The following TBXAS1 variants were observed in gnomAD, a reference collection of about 807,000 sequenced individuals.
TBXAS1 encodes thromboxane-A synthase.
Under a neutral mutation model 60.7 loss-of-function variants are expected in TBXAS1, and 48 were observed. The ratio of observed to expected loss-of-function variants is 0.79; its 90% CI spans 0.63 to 1.01. The LOEUF (loss-of-function observed/expected upper bound fraction) is 1.01, where lower values mean the gene tolerates loss of function less well. Ranked by LOEUF, TBXAS1 falls within the 50% of genes least tolerant of loss-of-function variation. The probability of loss-of-function intolerance (pLI) is 0.00; values close to 1 mark genes in which losing one functional copy is unlikely to be tolerated. For missense variants in TBXAS1, 685 were observed against 686.3 expected (o/e 1.00, Z 0.02); for synonymous variants, 287 against 269.7 (o/e 1.06, Z -0.63).
intron 9 of TBXAS1, among the ~76,000 whole-genome samples, chr7:139,966,793 C>T (rs187462895): frequency 6.6e-6 from 1 of 152,338 alleles, no homozygotes; most frequent in East Asian, 1.9e-4. Context: ...CCCTTCTGTT[C>T]TCTTAGCTCA....
At chr7:139,914,229 G>T (rs1337828533) in intron 4 of TBXAS1, among the ~76,000 whole-genome samples, 7 of 151,826 alleles carry the variant, frequency 4.6e-5, no homozygotes, top group African/African-American at 1.5e-4. Flanking sequence ...AGAGATGGGG[G>T]TCTTACTATG....
chr7:139,990,186 A>G (rs1198923630), intron 9 of TBXAS1, among the ~76,000 whole-genome samples: 1 of 151,776 alleles, frequency 6.6e-6, no homozygotes, highest in Non-Finnish European at 1.5e-5. Context: ...CTCATCTTAT[A>G]CCCACACCTC....
At chr7:139,924,325 T>C (rs1334520518) in intron 4 of TBXAS1, among the ~76,000 whole-genome samples, 1 of 152,224 alleles carries the variant, frequency 6.6e-6, no homozygotes, top group Admixed American at 6.5e-5. Flanking sequence ...TTATTGCCTG[T>C]CTTTTGGATA....
At chr7:139,907,336 T>C (rs1324582223) in intron 3 of TBXAS1, among the ~76,000 whole-genome samples, 1 of 152,218 alleles carries the variant, frequency 6.6e-6, no homozygotes, top group African/African-American at 2.4e-5. Context: ...ATTGATTGTT[T>C]TGAAAATATT....
rs367844733 is a variant in TBXAS1, at chr7:139,839,874, C to T, written c.89+10395C>T. ...AAGATCCTGTCTGTAGTCCCAGCTACTTGGGAGGCTGAGGCAGGAGAATCA... is the reference window on the plus strand; with the variant it reads ...AAGATCCTGTCTGTAGTCCCAGCTATTTGGGAGGCTGAGGCAGGAGAATCA... On this transcript the variant is annotated intron_variant, in intron 1 of 12. Transcript: ENST00000448866. Among the ~76,000 whole-genome samples, 48 of 149,026 alleles carry T rather than the reference C, an allele frequency of 3.2e-4. No individual in the cohort carries two copies. The East Asian group carries it at 7.2e-3, about 22-fold the overall frequency.
chr7:139,876,861 G>A (rs1296829128), intron 3 of TBXAS1, among the ~76,000 whole-genome samples: 6 of 152,146 alleles, frequency 3.9e-5, no homozygotes, highest in African/African-American at 1.4e-4. Context: ...AGCTGCACTT[G>A]GCTGGATGGC....
intron 12 of TBXAS1, among the ~76,000 whole-genome samples, chr7:140,019,357 C>G (rs1815355694): frequency 6.6e-6 from 1 of 152,162 alleles, no homozygotes; most frequent in South Asian, 2.1e-4. Flanking sequence ...GGGCTTGTCT[C>G]ACTTCCCCAC....
intron 3 of TBXAS1, among the ~76,000 whole-genome samples, chr7:139,903,609 GT>G (rs1046729558): frequency 1.4e-4 from 21 of 151,794 alleles, no homozygotes; most frequent in African/African-American, 4.6e-4. Flanking sequence ...AACATCTACT[GT>G]TTTTTTAATT....
At chr7:140,020,004 T>A in intron 12 of TBXAS1, 21 bp from the exon 13 acceptor site, 1 of 1,611,940 alleles carries the variant, frequency 6.2e-7, no homozygotes, top group Non-Finnish European at 8.5e-7. Context: ...TTGACAAATA[T>A]TTTAATTTTC....
chr7:139,912,402 A>G (rs559106311), intron 4 of TBXAS1, among the ~76,000 whole-genome samples: 13 of 152,340 alleles, frequency 8.5e-5, no homozygotes, highest in African/African-American at 3.1e-4. Context: ...ATTAATAAAC[A>G]TGTTTGTGAG....
At chr7:139,867,171 A>T (rs908957859) in intron 1 of TBXAS1, among the ~76,000 whole-genome samples, 23 of 152,158 alleles carry the variant, frequency 1.5e-4, no homozygotes, top group African/African-American at 5.6e-4. Context: ...GCTGGGCTTC[A>T]CCTGTTCTTG....
intron 5 of TBXAS1, among the ~76,000 whole-genome samples, chr7:139,941,773 A>C (rs1281944715): frequency 6.6e-6 from 1 of 152,238 alleles, no homozygotes; most frequent in Non-Finnish European, 1.5e-5. Flanking sequence ...ATTAGTGAGT[A>C]GTAACCCTGG....
chr7:139,810,106 G>A (rs538737319), intron 4 of TBXAS1, among the ~76,000 whole-genome samples: 19 of 150,456 alleles, frequency 1.3e-4, no homozygotes, highest in South Asian at 4.2e-4. Context: ...GTGTGATCTC[G>A]GCTCACTGCA....
intron 4 of TBXAS1, among the ~76,000 whole-genome samples, chr7:139,806,486 C>G (rs1296214823): frequency 6.6e-6 from 1 of 151,848 alleles, no homozygotes; most frequent in Non-Finnish European, 1.5e-5. Context: ...TGGTCTTGAA[C>G]TCCTGACCTC....
chr7:140,005,809 T>A (rs17161335), intron 9 of TBXAS1, among the ~76,000 whole-genome samples: 13,258 of 152,256 alleles, frequency 0.087, 974 homozygotes, highest in African/African-American at 0.21. Context: ...CATCATAGAT[T>A]AGCTACGATA....
At chr7:139,961,185 G>A (rs1810307453) in intron 8 of TBXAS1, among the ~76,000 whole-genome samples, 2 of 152,164 alleles carry the variant, frequency 1.3e-5, no homozygotes, top group Admixed American at 1.3e-4. Context: ...ATGAAGGCTA[G>A]GGGATGAAGA....
At chr7:140,016,713 G>C (rs1000563928) in intron 11 of TBXAS1, 1 of 156,706 alleles carries the variant, frequency 6.4e-6, no homozygotes, top group African/African-American at 2.4e-5. Flanking sequence ...CATCTGAGCA[G>C]GCGGCCCACA....
intron 5 of TBXAS1, among the ~76,000 whole-genome samples, chr7:139,942,543 T>C (rs1199715049): frequency 6.6e-6 from 1 of 152,226 alleles, no homozygotes; most frequent in Non-Finnish European, 1.5e-5. Context: ...TTGTATGTTC[T>C]CCATTCTCAA....
At chr7:139,898,978 C>G (rs13224278) in intron 3 of TBXAS1, among the ~76,000 whole-genome samples, 2 of 151,230 alleles carry the variant, frequency 1.3e-5, no homozygotes, top group Non-Finnish European at 2.9e-5. Flanking sequence ...CTGACAGTCT[C>G]GGGGGACCAA....
Sources: allele counts gnomAD v4.1 joint callset (sites outside exome capture counted in the v4.1 genomes callset), GRCh38; gene constraint gnomAD v4.1.1; transcripts MANE v1.5; gene names NCBI Gene and HGNC (gene_info 2026-07-23, HGNC 2026-07-21).